Variants in GLYATL2 observed in about 807,000 individuals in gnomAD.
GLYATL2 encodes the protein glycine N-acyltransferase-like protein 2.
Under a neutral mutation model 21.4 loss-of-function variants are expected in GLYATL2, and 25 were observed. The observed-to-expected ratio is 1.17, with a 90% CI of 0.85 to 1.63. The LOEUF is 1.63. GLYATL2 is among the 40% of genes most tolerant of loss of function. The pLI, the probability that GLYATL2 is intolerant of heterozygous loss-of-function variation, is 0.00. For synonymous variants in GLYATL2, 114 were observed against 118.2 expected, an observed-to-expected ratio of 0.96 and a Z score of 0.23; for missense variants, 361 against 343.3, an observed-to-expected ratio of 1.05 and a Z score of -0.41.
intron 1 of GLYATL2, among the ~76,000 whole-genome samples, chr11:58,851,994 G>C (rs1483508944): frequency 6.6e-6 from 1 of 152,162 alleles, no homozygotes; most frequent in Non-Finnish European, 1.5e-5. Flanking sequence ...GAGAAGGCTG[G>C]CATCTGAGTT....
chr11:58,834,450 G>A lies in GLYATL2; in HGVS notation c.864C>T (p.Cys288=). The A allele has an allele frequency of 1.9e-6, 3 of 1,595,940 alleles. No individual in the cohort carries two copies. The highest frequency in any genetic ancestry group is 1.7e-6 in the Non-Finnish European group (2 of 1,172,084). ...TCAATCAACAATATTTCTTGGGGGT[G>A]CATTTCCACTGATGCCAGCCACAAG... ...ICPCGWHQWK[C]TPKKYC is the part of the protein sequence containing the mutation. The change falls in exon 6 of 6, where the codon TGC becomes TGT. Residue 288 remains cysteine (C), a synonymous_variant. Transcript: ENST00000287275.
upstream of GLYATL2, among the ~76,000 whole-genome samples, chr11:58,905,826 T>C (rs972056347): frequency 6.6e-6 from 1 of 152,242 alleles, no homozygotes; most frequent in Admixed American, 6.5e-5. Context: ...TGCACTCTCA[T>C]CCCTTTTCCT....
intron 3 of GLYATL2, 105 bp downstream of exon 3, chr11:58,838,156 A>C (rs934479936): frequency 4.5e-5 from 32 of 710,684 alleles, no homozygotes; most frequent in Non-Finnish European, 7.0e-5. Flanking sequence ...ATACATCAAC[A>C]GTGTCAATGT....
chr11:58,851,210 G>C (rs552413963), intron 1 of GLYATL2, among the ~76,000 whole-genome samples: 1 of 152,094 alleles, frequency 6.6e-6, no homozygotes, highest in Non-Finnish European at 1.5e-5. Flanking sequence ...GTGGTCCCCC[G>C]GGCCCAGTTG....
intron 1 of GLYATL2, among the ~76,000 whole-genome samples, chr11:58,902,211 C>T (rs1465672716): frequency 6.6e-6 from 1 of 151,994 alleles, no homozygotes; most frequent in African/African-American, 2.4e-5. Context: ...CCACTATGAA[C>T]CCACAGGAGG....
chr11:58,856,453 G>A (rs2134590713), intron 1 of GLYATL2, among the ~76,000 whole-genome samples: 1 of 152,228 alleles, frequency 6.6e-6, no homozygotes, highest in African/African-American at 2.4e-5. Context: ...TTGGCTAACT[G>A]TTTGGTGCAA....
At chr11:58,898,658 A>AC (rs1442222996) in intron 1 of GLYATL2, among the ~76,000 whole-genome samples, 2 of 150,870 alleles carry the variant, frequency 1.3e-5, no homozygotes, top group Non-Finnish European at 2.9e-5. Context: ...ACACTGGGAA[A>AC]CCCCGCCTCT....
chr11:58,863,474 G>A (rs1853968187), intron 1 of GLYATL2, among the ~76,000 whole-genome samples: 1 of 152,194 alleles, frequency 6.6e-6, no homozygotes, highest in African/African-American at 2.4e-5. Context: ...GGCCAGCCTA[G>A]CATCAGGATC....
At chr11:58,850,769 T>G (rs1218474050) in intron 1 of GLYATL2, among the ~76,000 whole-genome samples, 1 of 151,998 alleles carries the variant, frequency 6.6e-6, no homozygotes, top group Non-Finnish European at 1.5e-5. Flanking sequence ...CAGGGGAGTT[T>G]AGAGAAGACT....
At chr11:58,848,794 G>T (rs1399495168), upstream of GLYATL2, among the ~76,000 whole-genome samples, 4 of 152,054 alleles carry the variant, frequency 2.6e-5, no homozygotes. Context: ...TTTATTTAAA[G>T]AAATAATAAC....
chr11:58,887,141 A>C (rs1338134255), intron 1 of GLYATL2, among the ~76,000 whole-genome samples: 1 of 152,216 alleles, frequency 6.6e-6, no homozygotes, highest in Non-Finnish European at 1.5e-5. Context: ...TAACTATAGC[A>C]CCAAACCATA....
At chr11:58,849,515 A>G (rs1338914398), upstream of GLYATL2, among the ~76,000 whole-genome samples, 1 of 152,326 alleles carries the variant, frequency 6.6e-6, no homozygotes. Flanking sequence ...CAAAACCTGA[A>G]CAGACCAATA....
At chr11:58,850,687 C>T (rs1409516129) in intron 1 of GLYATL2, among the ~76,000 whole-genome samples, 1 of 151,856 alleles carries the variant, frequency 6.6e-6, no homozygotes, top group African/African-American at 2.4e-5. Flanking sequence ...TGGACATGGT[C>T]TAGCGGTAGC....
chr11:58,866,723 G>C (rs1942485638), intron 1 of GLYATL2, among the ~76,000 whole-genome samples: 1 of 149,090 alleles, frequency 6.7e-6, no homozygotes. Flanking sequence ...AGATCGATCA[G>C]GAATGTACTA....
At chr11:58,879,584 A>G (rs141327479) in intron 1 of GLYATL2, among the ~76,000 whole-genome samples, 1 of 152,206 alleles carries the variant, frequency 6.6e-6, no homozygotes, top group Non-Finnish European at 1.5e-5. Flanking sequence ...ACCCAAAAGT[A>G]TAAATATTAT....
chr11:58,858,828 C>G (rs1853880065), intron 1 of GLYATL2, among the ~76,000 whole-genome samples: 1 of 152,090 alleles, frequency 6.6e-6, no homozygotes, highest in Non-Finnish European at 1.5e-5. Flanking sequence ...AAGTGTTGGC[C>G]ACCATTTCAC....
At chr11:58,836,880 T>G (rs1313442010) in intron 5 of GLYATL2, 135 bp downstream of exon 5, 7 of 765,606 alleles carry the variant, frequency 9.1e-6, no homozygotes, top group Non-Finnish European at 1.5e-5. Context: ...GTTGCTAACA[T>G]AACTCCCTTT....
chr11:58,864,314 C>G (rs1263215377), intron 1 of GLYATL2, among the ~76,000 whole-genome samples: 3 of 148,626 alleles, frequency 2.0e-5, no homozygotes, highest in Non-Finnish European at 4.5e-5. Flanking sequence ...CTAGGGCTGG[C>G]CTGGTCCCAG....
chr11:58,890,441 T>C (rs1854521766), intron 1 of GLYATL2, among the ~76,000 whole-genome samples: 1 of 152,132 alleles, frequency 6.6e-6, no homozygotes, highest in South Asian at 2.1e-4. Flanking sequence ...AATAGTAGAT[T>C]GGATTAAAAA....
Sources: gnomAD v4.1 joint callset for allele counts (sites outside exome capture counted in the v4.1 genomes callset) on GRCh38, gnomAD v4.1.1 for gene constraint, MANE v1.5 for transcripts, NCBI Gene and HGNC (gene_info 2026-07-23, HGNC 2026-07-21) for gene names.